Variants in NFIB observed in about 807,000 individuals in gnomAD.
NFIB encodes the protein nuclear factor I B.
A neutral mutation model predicts 61.5 loss-of-function variants in NFIB; 11 were observed. The ratio of observed to expected loss-of-function variants is 0.18; its 90% CI spans 0.11 to 0.30. The LOEUF (loss-of-function observed/expected upper bound fraction) is 0.30, where lower values mean the gene tolerates loss of function less well. Ranked by LOEUF, NFIB falls within the 10% of genes least tolerant of loss-of-function variation. The probability of loss-of-function intolerance (pLI) is 1.00; values close to 1 mark genes in which losing one functional copy is unlikely to be tolerated. For synonymous variants in NFIB, 260 were observed against 216.5 expected (o/e 1.20, Z -1.76); for missense variants, 471 against 608.9 (o/e 0.77, Z 2.38).
intron 2 of NFIB, among the ~76,000 whole-genome samples, chr9:14,294,778 C>T (rs942307240): frequency 5.9e-5 from 9 of 152,166 alleles, no homozygotes; most frequent in African/African-American, 2.2e-4. Context: ...ATAAAGTGCT[C>T]CATATAAGAA....
intron 2 of NFIB, among the ~76,000 whole-genome samples, chr9:14,256,779 A>G (rs536364702): frequency 2.5e-4 from 38 of 152,292 alleles, no homozygotes; most frequent in African/African-American, 8.4e-4. Flanking sequence ...TGCTCCAACA[A>G]TGCACCAGTT....
chr9:14,483,274 GA>G, the NFIB span, among the ~76,000 whole-genome samples: 1 of 152,184 alleles, frequency 6.6e-6, no homozygotes, highest in Non-Finnish European at 1.5e-5. Flanking sequence ...ATGTGAAAAT[GA>G]TTACATTCTA....
chr9:14,418,268 C>T, the NFIB span, among the ~76,000 whole-genome samples: 3 of 152,176 alleles, frequency 2.0e-5, no homozygotes, highest in African/African-American at 7.2e-5. Context: ...CTTTGAGCAG[C>T]GAAAAAAGCA....
chr9:14,214,921 A>ACATGC (rs2050692471), intron 2 of NFIB, among the ~76,000 whole-genome samples: 2 of 152,248 alleles, frequency 1.3e-5, no homozygotes, highest in South Asian at 4.1e-4. Flanking sequence ...ACGTGTATAC[A>ACATGC]CATGCATACC....
the NFIB span, among the ~76,000 whole-genome samples, chr9:14,473,775 T>G: frequency 6.6e-6 from 1 of 152,254 alleles, no homozygotes; most frequent in Non-Finnish European, 1.5e-5. Context: ...TTAATTTATT[T>G]AGGCCCGCAT....
At chr9:14,284,612 GTTCT>G (rs994034344) in intron 2 of NFIB, among the ~76,000 whole-genome samples, 6 of 152,058 alleles carry the variant, frequency 3.9e-5, no homozygotes, top group African/African-American at 1.4e-4. Context: ...TAAAATATAC[GTTCT>G]TTGTTCATCT....
intron 3 of NFIB, among the ~76,000 whole-genome samples, chr9:14,165,500 T>C (rs1423228105): frequency 6.6e-6 from 1 of 152,164 alleles, no homozygotes; most frequent in African/African-American, 2.4e-5. Flanking sequence ...AGAAAAGCTA[T>C]CATTACGATA....
intron 6 of NFIB, among the ~76,000 whole-genome samples, chr9:14,126,724 T>A (rs1440267206): frequency 6.6e-6 from 1 of 152,196 alleles, no homozygotes; most frequent in African/African-American, 2.4e-5. Flanking sequence ...AGAAACGCCA[T>A]AGATGGGCAA....
chr9:14,299,873 G>A (rs1030438704), intron 2 of NFIB, among the ~76,000 whole-genome samples: 47 of 152,254 alleles, frequency 3.1e-4, no homozygotes, highest in African/African-American at 1.1e-3. Context: ...TTTTAAAAAT[G>A]TGTGGCTTTC....
intron 1 of NFIB, among the ~76,000 whole-genome samples, chr9:14,331,072 G>A (rs1215954543): frequency 6.6e-6 from 1 of 152,088 alleles, no homozygotes; most frequent in Non-Finnish European, 1.5e-5. Context: ...ATTAAGCAAG[G>A]CCTCCCTGGG....
At chr9:14,453,924 T>C in the NFIB span, among the ~76,000 whole-genome samples, 1 of 151,206 alleles carries the variant, frequency 6.6e-6, no homozygotes, top group Non-Finnish European at 1.5e-5. Flanking sequence ...CTACTAAAAG[T>C]ACAAAAATTA....
chr9:14,140,956 T>C (rs947681226), intron 6 of NFIB, among the ~76,000 whole-genome samples: 1 of 152,112 alleles, frequency 6.6e-6, no homozygotes, highest in Non-Finnish European at 1.5e-5. Context: ...CTGATTCTGG[T>C]TCTGTCAGCA....
chr9:14,231,734 G>A (rs549004119), intron 2 of NFIB, among the ~76,000 whole-genome samples: 12 of 152,116 alleles, frequency 7.9e-5, no homozygotes, highest in Non-Finnish European at 2.9e-5. Flanking sequence ...GACAGGACAC[G>A]TGAATGGCTC....
chr9:14,104,343 A>C (rs370003206), intron 10 of NFIB, among the ~76,000 whole-genome samples: 4 of 152,194 alleles, frequency 2.6e-5, no homozygotes, highest in African/African-American at 9.6e-5. Context: ...GCGGGAAGCA[A>C]TATGGCAAGA....
At chr9:14,219,680 T>C (rs530322425) in intron 2 of NFIB, among the ~76,000 whole-genome samples, 28 of 152,266 alleles carry the variant, frequency 1.8e-4, no homozygotes, top group Admixed American at 1.7e-3. Context: ...ATGTTAGAGA[T>C]AAATGTAACT....
chr9:14,506,324 C>T, the NFIB span, among the ~76,000 whole-genome samples: 3 of 152,092 alleles, frequency 2.0e-5, no homozygotes, highest in Admixed American at 2.0e-4. Context: ...CATGAGAGCA[C>T]CTGCCATGCA....
chr9:14,156,264 C>T (rs2043391531), intron 3 of NFIB, among the ~76,000 whole-genome samples: 1 of 152,160 alleles, frequency 6.6e-6, no homozygotes, highest in Non-Finnish European at 1.5e-5. Flanking sequence ...AAGGAAACCA[C>T]AACCACAATT....
chr9:14,239,219 C>A (rs925791636), intron 2 of NFIB, among the ~76,000 whole-genome samples: 8 of 152,132 alleles, frequency 5.3e-5, no homozygotes, highest in Non-Finnish European at 1.0e-4. Context: ...AGAACAGTAA[C>A]TTAACTTTGA....
At position 14,313,875 on chromosome 9, in the gene NFIB, G is replaced by A; in HGVS notation, c.-364C>T. ...GTTGTTGTTGTTGTTGGGGTGTAGG[G>A]GGTGCGCGAAGGTTCGGTGTGGGTT... On this transcript the variant is annotated 5_prime_UTR_variant, in exon 1 of 11. Transcript: ENST00000380953. This position sits in a 1 kb window ranked among gnomAD's most constrained non-coding sequence, Gnocchi z 4.5. The A allele has an allele frequency of 8.9e-7, 1 of 1,124,766 alleles. No individual in the cohort carries two copies. The highest frequency in any genetic ancestry group is 4.6e-5 in the East Asian group (1 of 21,880). The allele number at this position is 1,124,766 out of a possible 1,614,324, so 69.7% of individuals were successfully genotyped here.
Sources: allele counts gnomAD v4.1 joint callset (sites outside exome capture counted in the v4.1 genomes callset), GRCh38; gene constraint gnomAD v4.1.1; non-coding constraint Gnocchi (gnomAD v3.1); transcripts MANE v1.5; gene names NCBI Gene and HGNC (gene_info 2026-07-23, HGNC 2026-07-21).